Variants in ZSWIM7 observed in about 807,000 individuals in gnomAD.
ZSWIM7 encodes the protein zinc finger SWIM domain-containing protein 7.
In ZSWIM7, 22 loss-of-function variants were observed where a neutral mutation model predicts 21.1. The observed-to-expected ratio is 1.04, with a 90% CI of 0.74 to 1.49. The LOEUF is 1.49. ZSWIM7 is among the 40% of genes most tolerant of loss of function. The pLI, the probability that ZSWIM7 is intolerant of heterozygous loss-of-function variation, is 0.00. For missense variants in ZSWIM7, 193 were observed against 168.0 expected (o/e 1.15, Z -0.82); for synonymous variants, 67 against 66.5 (o/e 1.01, Z -0.04).
chr17:15,980,268 C>T (rs1970340048), intron 4 of ZSWIM7: 1 of 152,370 alleles, frequency 6.6e-6, no homozygotes, highest in Admixed American at 6.5e-5. Context: ...TGCGTTGAAT[C>T]TGATGTCAGA....
chr17:15,980,280 A>T (rs1195744879), intron 4 of ZSWIM7: 1 of 152,372 alleles, frequency 6.6e-6, no homozygotes, highest in Non-Finnish European at 1.5e-5. Flanking sequence ...GATGTCAGAG[A>T]ACACAGCTTT....
rs767448867 is a variant in ZSWIM7 at position 15,981,152 on chromosome 17, G to C, written c.202-8C>G. On this transcript the variant is annotated splice_region_variant and splice_polypyrimidine_tract_variant and intron_variant, in intron 3 of 4. Transcript: ENST00000399277. The stretch of plus-strand genomic sequence containing the variant: ...ACTGGAACTTCCAAGGACCTACAAA[G>C]AAAGGATAGATGGGATCAGACCTCA... 6.2e-7 allele frequency: 1 copy of C among 1,608,524 alleles called. No individual in the cohort carries two copies. The highest frequency in any genetic ancestry group is 2.2e-5 in the East Asian group (1 of 44,786).
intron 2 of ZSWIM7, among the ~76,000 whole-genome samples, chr17:15,987,651 C>T (rs1329037571): frequency 6.6e-6 from 1 of 151,790 alleles, no homozygotes; most frequent in African/African-American, 2.4e-5. Context: ...TCTTTTGCTG[C>T]CCAGGCTGGA....
chr17:15,991,740 G>A (rs1436869201), intron 2 of ZSWIM7, among the ~76,000 whole-genome samples: 1 of 151,770 alleles, frequency 6.6e-6, no homozygotes, highest in Non-Finnish European at 1.5e-5. Flanking sequence ...CTCCTTCCTT[G>A]CCCCAAAGAA....
intron 2 of ZSWIM7, among the ~76,000 whole-genome samples, chr17:15,992,549 C>G (rs956300463): frequency 6.7e-6 from 1 of 149,724 alleles, no homozygotes; most frequent in Non-Finnish European, 1.5e-5. Flanking sequence ...AAGCAATTCT[C>G]CTGACTCAGC....
chr17:15,997,687 C>G (rs1970573959), intron 1 of ZSWIM7, among the ~76,000 whole-genome samples: 1 of 152,136 alleles, frequency 6.6e-6, no homozygotes, highest in Non-Finnish European at 1.5e-5. Context: ...AACAGGGCTT[C>G]TGAAAATAAA....
chr17:15,999,181 G>A (rs1052367541), intron 1 of ZSWIM7, among the ~76,000 whole-genome samples: 1 of 152,130 alleles, frequency 6.6e-6, no homozygotes, highest in African/African-American at 2.4e-5. Flanking sequence ...ACTCACTGTA[G>A]GCTCCCGTCC....
chr17:15,987,339 G>A lies in ZSWIM7; in HGVS notation c.128C>T (p.Thr43Ile), dbSNP rs1970425754. 1.2e-6 allele frequency: 2 copies of A among 1,613,322 alleles called. No individual in the cohort carries two copies. ...SLKFLFGSSATQALDLVDRQS... is the reference protein window; with the variant it reads ...SLKFLFGSSAIQALDLVDRQS... ...TCGATCAACTAGGTCCAAGGCCTGGGTGGCTGATGAGCCAAAGAGAAACTT... is the reference window on the plus strand; with the variant it reads ...TCGATCAACTAGGTCCAAGGCCTGGATGGCTGATGAGCCAAAGAGAAACTT... Residue 43 changes from threonine to isoleucine, a missense_variant, in exon 3 of 5, where the codon ACC becomes ATC. Transcript: ENST00000399277.
At chr17:15,994,254 G>C (rs567006768) in intron 1 of ZSWIM7, among the ~76,000 whole-genome samples, 1 of 152,314 alleles carries the variant, frequency 6.6e-6, no homozygotes, top group Admixed American at 6.5e-5. Context: ...TGCCCGGCCA[G>C]ATTTGTTTTT....
At position 15,977,511 on chromosome 17, in the gene ZSWIM7, A is replaced by C. The variant is rs1431500360; in HGVS notation, c.*536T>G. On this transcript the variant is annotated 3_prime_UTR_variant, in exon 5 of 5. Coordinates refer to ENST00000399277, the MANE Select transcript of ZSWIM7 (RefSeq NM_001042697.2). ...TCAGGAGATGGAGACCATCCTGGCT[A>C]ACACGGTGAAACCCCATCTCTACTA... 1 of 150,332 alleles carries C rather than the reference A, an allele frequency of 6.7e-6. No individual in the cohort carries two copies. Among genetic ancestry groups the C allele is most frequent in the Non-Finnish European group, 1.5e-5 (1 of 68,054 alleles). 9.3% of individuals were successfully genotyped at this position (150,332 alleles called of 1,614,324 possible).
chr17:15,996,291 G>A (rs1970553745), intron 1 of ZSWIM7, among the ~76,000 whole-genome samples: 1 of 151,326 alleles, frequency 6.6e-6, no homozygotes, highest in African/African-American at 2.4e-5. Flanking sequence ...CAACAAGAGC[G>A]AAACTCCGTC....
At chr17:15,990,937 G>C (rs1970474288) in intron 2 of ZSWIM7, 1 of 152,088 alleles carries the variant, frequency 6.6e-6, no homozygotes, top group African/African-American at 2.4e-5. Context: ...GGCCAAGGCA[G>C]GCGGAACTCC....
In ZSWIM7 at chr17:15,981,159, T is replaced by C; in HGVS notation, c.202-15A>G. ...CTTCCAAGGACCTACAAAGAAAGGA[T>C]AGATGGGATCAGACCTCAGATGTGC... On this transcript the variant is annotated splice_polypyrimidine_tract_variant and intron_variant, in intron 3 of 4. Transcript: ENST00000399277. 4 of 1,603,652 alleles carry C rather than the reference T, an allele frequency of 2.5e-6. No individual in the cohort carries two copies. Among genetic ancestry groups the C allele is most frequent in the African/African-American group, 1.3e-5 (1 of 74,818 alleles).
At chr17:15,981,445 G>GGCT (rs1282896514) in intron 3 of ZSWIM7, among the ~76,000 whole-genome samples, 13 of 151,010 alleles carry the variant, frequency 8.6e-5, no homozygotes, top group Non-Finnish European at 1.6e-4. Flanking sequence ...CCACTCTATG[G>GGCT]GCTGACTGTA....
At chr17:15,989,653 G>A (rs1400710984) in intron 2 of ZSWIM7, among the ~76,000 whole-genome samples, 1 of 151,930 alleles carries the variant, frequency 6.6e-6, no homozygotes, top group Non-Finnish European at 1.5e-5. Context: ...TTGAGACAAA[G>A]TCTCTCTCTG....
At chr17:15,992,538 C>G (rs1005031268) in intron 2 of ZSWIM7, among the ~76,000 whole-genome samples, 8 of 147,804 alleles carry the variant, frequency 5.4e-5, no homozygotes, top group Non-Finnish European at 1.2e-4. Flanking sequence ...CTCCCAGGTT[C>G]AAGCAATTCT....
chr17:15,981,730 G>A (rs1339553869), intron 3 of ZSWIM7, among the ~76,000 whole-genome samples: 1 of 152,034 alleles, frequency 6.6e-6, no homozygotes, highest in African/African-American at 2.4e-5. Context: ...TGGGCAACAT[G>A]GTGAGACCTC....
chr17:15,992,691 G>A (rs906033806), intron 2 of ZSWIM7, among the ~76,000 whole-genome samples: 2 of 150,952 alleles, frequency 1.3e-5, no homozygotes, highest in Non-Finnish European at 1.5e-5. Flanking sequence ...CGCCCGTCTC[G>A]GCCTCCCAAA....
chr17:15,991,418 A>G lies in ZSWIM7; in HGVS notation c.98+2339T>C, dbSNP rs1233134790. ...GGAATTTCTGGGTCAAAGAATATGT[A>G]TGTTTTAAAGTTCCTATTGCCTGTT... On this transcript the variant is annotated intron_variant, in intron 2 of 4. Transcript: ENST00000399277. Among the ~76,000 whole-genome samples, 4 of 152,266 alleles carry G rather than the reference A, an allele frequency of 2.6e-5. No homozygotes were observed. The East Asian group carries it at 7.7e-4, about 29-fold the overall frequency.
Sources: allele counts gnomAD v4.1 joint callset (sites outside exome capture counted in the v4.1 genomes callset), GRCh38; gene constraint gnomAD v4.1.1; transcripts MANE v1.5; gene names NCBI Gene and HGNC (gene_info 2026-07-23, HGNC 2026-07-21).